GOLGA1: variants seen among roughly 807,000 people sequenced by gnomAD.
The protein encoded by GOLGA1 is golgin subfamily A member 1.
A neutral mutation model predicts 119.7 loss-of-function variants in GOLGA1; 63 were observed. That is an observed-to-expected ratio of 0.53 (90% CI 0.43 to 0.65). The LOEUF is 0.65. Among genes scored for constraint, GOLGA1 ranks in the 30% least tolerant of loss-of-function variants. GOLGA1 has a pLI of 0.00. For synonymous variants in GOLGA1, 318 were observed against 333.4 expected (o/e 0.95, Z 0.50); for missense variants, 798 against 912.8 (o/e 0.87, Z 1.62).
At chr9:124,910,740 C>T (rs970696423) in intron 11 of GOLGA1, among the ~76,000 whole-genome samples, 1 of 152,152 alleles carries the variant, frequency 6.6e-6, no homozygotes, top group African/African-American at 2.4e-5. Flanking sequence ...CCTCCAGTCA[C>T]ATCAGTGGTG....
chr9:124,905,394 G>A (rs1445553729), intron 12 of GOLGA1, among the ~76,000 whole-genome samples: 2 of 151,952 alleles, frequency 1.3e-5, no homozygotes, highest in East Asian at 1.9e-4. Flanking sequence ...CCTGGGAAGC[G>A]GAGGTTGCAG....
At position 124,881,119 on chromosome 9, in the gene GOLGA1, G is replaced by C. The variant is rs1829569946; in HGVS notation, c.2223+52C>G. The C allele has an allele frequency of 3.1e-6, 3 of 965,350 alleles. No individual in the cohort carries two copies. The highest frequency in any genetic ancestry group is 5.1e-6 in the Non-Finnish European group (3 of 586,320). 59.8% of individuals were successfully genotyped at this position (965,350 alleles called of 1,614,324 possible). On this transcript the variant is annotated intron_variant, in intron 22 of 22. Coordinates refer to ENST00000373555, the MANE Select transcript of GOLGA1 (RefSeq NM_002077.4). The surrounding 1 kb of genome is among the most constrained non-coding windows in gnomAD (Gnocchi z 4.9). ...AGGGGTCTTACACTGCTACTGCTGGGATAACTGACAACGTATCTTGGAAGC... is the reference window on the plus strand; with the variant it reads ...AGGGGTCTTACACTGCTACTGCTGGCATAACTGACAACGTATCTTGGAAGC...
intron 13 of GOLGA1, 95 bp downstream of exon 13, chr9:124,900,357 C>T (rs932698406): frequency 2.7e-5 from 19 of 702,930 alleles, no homozygotes; most frequent in Middle Eastern, 3.6e-4. Flanking sequence ...GTCCAGGTAC[C>T]GTTGCCGAAG....
intron 3 of GOLGA1, among the ~76,000 whole-genome samples, chr9:124,936,983 G>C (rs548255486): frequency 6.6e-6 from 1 of 152,192 alleles, no homozygotes; most frequent in Non-Finnish European, 1.5e-5. Flanking sequence ...ATTTAGAATA[G>C]TGGTTATGCT....
intron 8 of GOLGA1, among the ~76,000 whole-genome samples, chr9:124,922,630 C>T (rs1830594154): frequency 6.7e-6 from 1 of 149,662 alleles, no homozygotes; most frequent in South Asian, 2.1e-4. Flanking sequence ...CACACACCTA[C>T]AGTACATGCT....
At chr9:124,895,089 C>A (rs1192199871) in intron 15 of GOLGA1, among the ~76,000 whole-genome samples, 1 of 150,516 alleles carries the variant, frequency 6.6e-6, no homozygotes, top group Admixed American at 6.6e-5. Flanking sequence ...CAAAGAACCA[C>A]CCACAACAGA....
chr9:124,884,035 G>A (rs976258643), intron 19 of GOLGA1, among the ~76,000 whole-genome samples: 27 of 150,618 alleles, frequency 1.8e-4, no homozygotes, highest in African/African-American at 5.4e-4. Context: ...TTTTTGAGAC[G>A]GAGTCTTACC....
At chr9:124,883,619 T>C (rs773270395) in intron 19 of GOLGA1, among the ~76,000 whole-genome samples, 6 of 149,062 alleles carry the variant, frequency 4.0e-5, no homozygotes, top group Non-Finnish European at 8.9e-5. Flanking sequence ...GGCTAATTTT[T>C]GTATTTTTAG....
At chr9:124,885,214 A>G (rs1047917969) in intron 19 of GOLGA1, among the ~76,000 whole-genome samples, 6 of 152,056 alleles carry the variant, frequency 3.9e-5, no homozygotes, top group African/African-American at 1.4e-4. Flanking sequence ...AGTCCCAGCT[A>G]CTTGGGAGGC....
chr9:124,905,147 A>C (rs1389838032), intron 12 of GOLGA1, among the ~76,000 whole-genome samples: 2 of 125,068 alleles, frequency 1.6e-5, no homozygotes, highest in Non-Finnish European at 1.9e-5. Context: ...GTCCATCTCA[A>C]AAAATAATAA....
intron 15 of GOLGA1, among the ~76,000 whole-genome samples, chr9:124,892,368 C>T (rs1343810294): frequency 6.6e-6 from 1 of 152,216 alleles, no homozygotes. Flanking sequence ...AATTTTCAGG[C>T]TTTCTTCCTA....
At chr9:124,919,422 G>C (rs1178830599) in intron 10 of GOLGA1, among the ~76,000 whole-genome samples, 1 of 152,150 alleles carries the variant, frequency 6.6e-6, no homozygotes, top group East Asian at 1.9e-4. Flanking sequence ...AGTTCATTGA[G>C]GGTAAAAAGC....
intron 15 of GOLGA1, among the ~76,000 whole-genome samples, chr9:124,895,396 A>G (rs1277039918): frequency 7.0e-6 from 1 of 142,128 alleles, no homozygotes. Context: ...CACAACAGAG[A>G]CTCTCCACAA....
intron 5 of GOLGA1, 124 bp downstream of exon 5, chr9:124,929,092 A>T: frequency 1.5e-6 from 1 of 670,620 alleles, no homozygotes; most frequent in Non-Finnish European, 2.7e-6. Flanking sequence ...CCTGATTAAG[A>T]AGTACACTAC....
At chr9:124,882,469 G>T (rs776105886) in intron 20 of GOLGA1, 41 bp downstream of exon 20, 19 of 1,458,310 alleles carry the variant, frequency 1.3e-5, no homozygotes, top group Non-Finnish European at 1.8e-5. Context: ...GCAGCAGGGG[G>T]AGTGCTGGGA....
chr9:124,923,729 T>G (rs1223991261), intron 7 of GOLGA1, among the ~76,000 whole-genome samples: 1 of 152,104 alleles, frequency 6.6e-6, no homozygotes, highest in Non-Finnish European at 1.5e-5. Flanking sequence ...CCTCAAGACA[T>G]TCTCCTGCCT....
At chr9:124,911,817 G>T in intron 11 of GOLGA1, 84 bp downstream of exon 11, 1 of 1,235,202 alleles carries the variant, frequency 8.1e-7, no homozygotes, top group Non-Finnish European at 1.2e-6. Context: ...TGGCCCTACA[G>T]CTCTGAAACT....
intron 10 of GOLGA1, among the ~76,000 whole-genome samples, chr9:124,912,520 C>T (rs540683064): frequency 6.6e-6 from 1 of 152,196 alleles, no homozygotes; most frequent in African/African-American, 2.4e-5. Context: ...TTTAGACCAA[C>T]AGCTGCCCGT....
Position 124,914,282 on chromosome 9 carries a change from G to A in GOLGA1, c.844-2256C>T, listed in dbSNP as rs554141713. Among the ~76,000 whole-genome samples the A allele has an allele frequency of 2.1e-4, 32 of 152,326 alleles. 1 individual carries two copies. The South Asian group carries it at 6.6e-3, about 32-fold the overall frequency. On this transcript the variant is annotated intron_variant, in intron 10 of 22. Coordinates refer to ENST00000373555, the MANE Select transcript of GOLGA1 (RefSeq NM_002077.4). ...GGAAGCTGAGGTGGGCAGATCACGA[G>A]GTCAGGAGATCGAGACCATCCTGGC... is the stretch of plus-strand genomic sequence containing the variant.
Sources: gnomAD v4.1 joint callset for allele counts (sites outside exome capture counted in the v4.1 genomes callset) on GRCh38, gnomAD v4.1.1 for gene constraint, Gnocchi (gnomAD v3.1) non-coding constraint, MANE v1.5 for transcripts, NCBI Gene and HGNC (gene_info 2026-07-23, HGNC 2026-07-21) for gene names.